Variants in GABRG3 observed in about 807,000 individuals in gnomAD.
The protein encoded by GABRG3 is gamma-aminobutyric acid type A receptor subunit gamma3, also known as gamma-aminobutyric acid receptor subunit gamma-3.
Under a neutral mutation model 48.8 loss-of-function variants are expected in GABRG3, and 25 were observed. The ratio of observed to expected loss-of-function variants is 0.51; its 90% CI spans 0.37 to 0.72. The LOEUF (loss-of-function observed/expected upper bound fraction) is 0.72, where lower values mean the gene tolerates loss of function less well. Among genes scored for constraint, GABRG3 ranks in the 30% least tolerant of loss-of-function variants. The probability of loss-of-function intolerance (pLI) is 0.00; values close to 1 mark genes in which losing one functional copy is unlikely to be tolerated. For synonymous variants in GABRG3, 227 were observed against 217.6 expected (o/e 1.04, Z -0.38); for missense variants, 394 against 577.9 (o/e 0.68, Z 3.26).
At chr15:27,372,611 C>CAA (rs1009461492) in intron 5 of GABRG3, among the ~76,000 whole-genome samples, 2 of 152,098 alleles carry the variant, frequency 1.3e-5, no homozygotes, top group African/African-American at 4.8e-5. Flanking sequence ...AAGCTGTTCT[C>CAA]AAACTCCTGG....
At chr15:27,466,515 A>G (rs563194527) in intron 5 of GABRG3, among the ~76,000 whole-genome samples, 198 of 152,350 alleles carry the variant, frequency 1.3e-3, no homozygotes, top group Non-Finnish European at 2.0e-3. Context: ...ACAGCTTGAT[A>G]TTGCATCTTT....
rs1164352787 is a variant in GABRG3 at position 27,039,784 on chromosome 15, G to T, written c.270+12963G>T. ...GCTAAAGTAAATACCAGACCCTGTC[G>T]GTGTGCAGGAGGCACCCCTCGCTGT... On this transcript the variant is annotated intron_variant, in intron 3 of 9. Transcript: ENST00000615808. 1.3e-5 allele frequency among the ~76,000 whole-genome samples: 2 copies of T among 152,148 alleles called. 1 individual carries two copies. The highest frequency in any genetic ancestry group is 4.1e-4 in the South Asian group (2 of 4,820).
chr15:27,220,287 G>A (rs1330493935), intron 3 of GABRG3, among the ~76,000 whole-genome samples: 1 of 152,196 alleles, frequency 6.6e-6, no homozygotes, highest in Non-Finnish European at 1.5e-5. Context: ...TTTATTTATA[G>A]TTGGTTAAGG....
intron 3 of GABRG3, among the ~76,000 whole-genome samples, chr15:27,225,481 G>A (rs897176): frequency 0.22 from 33,143 of 152,042 alleles, 5,702 homozygotes; most frequent in African/African-American, 0.45. Flanking sequence ...TAAAGTCGGA[G>A]TAAGTTTACC....
chr15:27,285,414 C>T (rs1891579444), intron 3 of GABRG3, among the ~76,000 whole-genome samples: 1 of 151,980 alleles, frequency 6.6e-6, no homozygotes, highest in African/African-American at 2.4e-5. Context: ...ATTCAACTCC[C>T]CTGAACCTCA....
At chr15:27,128,711 C>T (rs182113381) in intron 3 of GABRG3, among the ~76,000 whole-genome samples, 37 of 152,280 alleles carry the variant, frequency 2.4e-4, no homozygotes, top group South Asian at 8.3e-4. Context: ...GATAGAAAGC[C>T]GAGTCCAGAA....
At chr15:27,034,004 C>A (rs957267187) in intron 3 of GABRG3, among the ~76,000 whole-genome samples, 4 of 152,236 alleles carry the variant, frequency 2.6e-5, no homozygotes, top group African/African-American at 7.2e-5. Context: ...TCATGCCAAA[C>A]CCCAGATCTC....
In GABRG3 at chr15:27,303,227, T is replaced by TA. The variant is rs879858277; in HGVS notation, c.271-23570dup. 6.2e-3 allele frequency among the ~76,000 whole-genome samples: 883 copies of TA among 141,844 alleles called. 4 individuals are homozygous for TA. The highest frequency in any genetic ancestry group is 0.028 in the Middle Eastern group (8 of 284). The allele number at this position is 141,844 out of a possible 152,430, so 93.1% of individuals were successfully genotyped here. A position where few individuals can be genotyped will look rare whatever the true frequency, so the allele number is the denominator to read the frequency against. ...TAAATGCATTCAAGACTGACAAAGTTAAAAAAAAAAAAGACACAAATTACC... is the reference window on the plus strand; with the variant it reads ...TAAATGCATTCAAGACTGACAAAGTTAAAAAAAAAAAAAGACACAAATTACC... On this transcript the variant is annotated intron_variant, in intron 3 of 9. Transcript: ENST00000615808.
intron 3 of GABRG3, among the ~76,000 whole-genome samples, chr15:27,238,693 G>A (rs1042238570): frequency 5.9e-5 from 9 of 152,110 alleles, no homozygotes; most frequent in Non-Finnish European, 7.4e-5. Context: ...ATATATTCCC[G>A]TTTTCTTTCT....
At chr15:27,225,382 G>A (rs1352899173) in intron 3 of GABRG3, among the ~76,000 whole-genome samples, 4 of 151,996 alleles carry the variant, frequency 2.6e-5, no homozygotes, top group South Asian at 2.1e-4. Context: ...AATCGGAGCC[G>A]GTGCTTAGGG....
chr15:27,048,676 C>G (rs1328509233), intron 3 of GABRG3, among the ~76,000 whole-genome samples: 1 of 152,146 alleles, frequency 6.6e-6, no homozygotes, highest in African/African-American at 2.4e-5. Context: ...CAATTTCCTT[C>G]AAAAAGAAAG....
intron 6 of GABRG3, among the ~76,000 whole-genome samples, chr15:27,510,668 A>G (rs1399513751): frequency 1.3e-5 from 2 of 152,218 alleles, no homozygotes; most frequent in East Asian, 3.9e-4. Flanking sequence ...GAATTATATT[A>G]TATTTGGTGG....
At chr15:27,263,847 AC>A (rs1399176694) in intron 3 of GABRG3, among the ~76,000 whole-genome samples, 1 of 151,772 alleles carries the variant, frequency 6.6e-6, no homozygotes, top group Non-Finnish European at 1.5e-5. Flanking sequence ...AATGGCGTGA[AC>A]CTGGGAGGCG....
At chr15:27,269,802 G>A (rs946104009) in intron 3 of GABRG3, among the ~76,000 whole-genome samples, 27 of 152,146 alleles carry the variant, frequency 1.8e-4, no homozygotes, top group Non-Finnish European at 3.7e-4. Flanking sequence ...GTGATGGGCA[G>A]CCGAATGATC....
intron 3 of GABRG3, among the ~76,000 whole-genome samples, chr15:27,066,006 A>G (rs1896732157): frequency 6.6e-6 from 1 of 152,192 alleles, no homozygotes. Context: ...ATTCTGAGAA[A>G]ATGACTGATT....
intron 5 of GABRG3, among the ~76,000 whole-genome samples, chr15:27,472,303 TCTCA>T (rs1889810776): frequency 6.6e-6 from 1 of 152,036 alleles, no homozygotes. Context: ...GAAAATGGAG[TCTCA>T]CTCTATTGCC....
chr15:27,496,663 A>G (rs1890495312), intron 6 of GABRG3, among the ~76,000 whole-genome samples: 1 of 152,194 alleles, frequency 6.6e-6, no homozygotes, highest in Non-Finnish European at 1.5e-5. Context: ...AGGGTAAAGT[A>G]TGTAGACTTC....
At chr15:27,129,131 G>A (rs937241774) in intron 3 of GABRG3, among the ~76,000 whole-genome samples, 1 of 152,062 alleles carries the variant, frequency 6.6e-6, no homozygotes, top group East Asian at 1.9e-4. Flanking sequence ...TCAGATTGTT[G>A]TGCTATTATC....
At chr15:27,497,565 T>G (rs1890516971) in intron 6 of GABRG3, among the ~76,000 whole-genome samples, 2 of 152,218 alleles carry the variant, frequency 1.3e-5, no homozygotes, top group African/African-American at 4.8e-5. Flanking sequence ...TCTTTATTCT[T>G]AAATGAGAAA....
Sources: gnomAD v4.1 joint callset for allele counts (sites outside exome capture counted in the v4.1 genomes callset) on GRCh38, gnomAD v4.1.1 for gene constraint, MANE v1.5 for transcripts, NCBI Gene and HGNC (gene_info 2026-07-23, HGNC 2026-07-21) for gene names.